Variants in MACROD2 observed in about 807,000 individuals in gnomAD.
The protein encoded by MACROD2 is ADP-ribose glycohydrolase MACROD2.
MACROD2 carries 36 observed loss-of-function variants against 70.4 expected under a neutral mutation model. That is an observed-to-expected ratio of 0.51 (90% CI 0.39 to 0.68). MACROD2 has a LOEUF of 0.68. Among genes scored for constraint, MACROD2 ranks in the 30% least tolerant of loss-of-function variants. MACROD2 has a pLI of 0.00. For missense variants in MACROD2, 496 were observed against 538.4 expected, an observed-to-expected ratio of 0.92 and a Z score of 0.78; for synonymous variants, 172 against 178.8, an observed-to-expected ratio of 0.96 and a Z score of 0.30.
At chr20:14,812,268 T>A (rs539935882) in intron 5 of MACROD2, among the ~76,000 whole-genome samples, 4 of 151,880 alleles carry the variant, frequency 2.6e-5, no homozygotes, top group Non-Finnish European at 1.5e-5. Context: ...TGAGTTCATG[T>A]GGGGACATGG....
At chr20:15,678,236 C>T (rs531055488) in intron 8 of MACROD2, among the ~76,000 whole-genome samples, 1 of 152,064 alleles carries the variant, frequency 6.6e-6, no homozygotes, top group East Asian at 1.9e-4. Context: ...TGCAGTGGCT[C>T]ACATTTGTAA....
chr20:14,067,841 C>T (rs2053785569), intron 2 of MACROD2, among the ~76,000 whole-genome samples: 5 of 152,138 alleles, frequency 3.3e-5, no homozygotes. Flanking sequence ...AGTGACTCAG[C>T]ACATGGGTTC....
rs75531626 is a variant in MACROD2, at chr20:15,062,781, G to A, written c.419-167159G>A. On this transcript the variant is annotated intron_variant, in intron 5 of 17. Transcript: ENST00000684519. ...GCTTTGATTCTAGTGATGTCTGTAC[G>A]TGGCAATCCGAATAGAACTTGGGAC... Among the ~76,000 whole-genome samples the A allele has an allele frequency of 9.1e-4, 138 of 152,262 alleles. 1 individual carries two copies. The highest frequency in any genetic ancestry group is 8.3e-3 in the East Asian group (43 of 5,182).
intron 3 of MACROD2, among the ~76,000 whole-genome samples, chr20:14,272,265 AG>A (rs1371834987): frequency 6.6e-6 from 1 of 152,212 alleles, no homozygotes; most frequent in Non-Finnish European, 1.5e-5. Flanking sequence ...TTACCCACAA[AG>A]GGAAGCCCAT....
At chr20:14,467,487 G>A (rs919937496) in intron 3 of MACROD2, among the ~76,000 whole-genome samples, 1 of 152,014 alleles carries the variant, frequency 6.6e-6, no homozygotes, top group Non-Finnish European at 1.5e-5. Context: ...TGCTTCCCGG[G>A]TGAGGCGATG....
intron 8 of MACROD2, among the ~76,000 whole-genome samples, chr20:15,549,460 A>C (rs891682534): frequency 1.3e-5 from 2 of 152,226 alleles, no homozygotes; most frequent in Non-Finnish European, 2.9e-5. Flanking sequence ...ATCCACATCA[A>C]TCTATATACT....
intron 3 of MACROD2, among the ~76,000 whole-genome samples, chr20:14,370,843 C>T (rs1487836541): frequency 6.6e-6 from 1 of 152,138 alleles, no homozygotes; most frequent in Admixed American, 6.5e-5. Context: ...ATTGCATTTT[C>T]AGTAGAGAAA....
intron 3 of MACROD2, among the ~76,000 whole-genome samples, chr20:14,409,011 A>G (rs2083720081): frequency 6.6e-6 from 1 of 152,120 alleles, no homozygotes; most frequent in Non-Finnish European, 1.5e-5. Flanking sequence ...GCCCATGTCA[A>G]GCACATCTAG....
intron 5 of MACROD2, among the ~76,000 whole-genome samples, chr20:14,900,792 T>C (rs1392386083): frequency 6.6e-6 from 1 of 151,980 alleles, no homozygotes; most frequent in Non-Finnish European, 1.5e-5. Context: ...TATTCTATTC[T>C]CTATTTCATT....
chr20:16,027,340 A>T (rs924526313), intron 15 of MACROD2, among the ~76,000 whole-genome samples: 3 of 152,208 alleles, frequency 2.0e-5, no homozygotes, highest in Admixed American at 2.0e-4. Context: ...GATGCACTAG[A>T]TTTTATTAAA....
chr20:15,420,214 G>A (rs370685523), intron 6 of MACROD2, among the ~76,000 whole-genome samples: 3 of 152,030 alleles, frequency 2.0e-5, no homozygotes, highest in African/African-American at 7.2e-5. Flanking sequence ...CTGTCTTCTC[G>A]GAAAATAAAA....
chr20:15,753,694 T>C (rs1421608133), intron 8 of MACROD2, among the ~76,000 whole-genome samples: 1 of 152,212 alleles, frequency 6.6e-6, no homozygotes, highest in Non-Finnish European at 1.5e-5. Context: ...ATCTCCAACC[T>C]GCTTTCCACA....
intron 4 of MACROD2, among the ~76,000 whole-genome samples, chr20:14,584,968 A>G (rs1163633462): frequency 6.6e-6 from 1 of 152,168 alleles, no homozygotes; most frequent in Admixed American, 6.5e-5. Flanking sequence ...ATGATTAGCA[A>G]ATCCTTTGGG....
intron 5 of MACROD2, among the ~76,000 whole-genome samples, chr20:14,704,227 G>A (rs2071240974): frequency 6.6e-6 from 1 of 152,070 alleles, no homozygotes; most frequent in Non-Finnish European, 1.5e-5. Context: ...ATGATCCACA[G>A]GCCCAAATCT....
intron 6 of MACROD2, among the ~76,000 whole-genome samples, chr20:15,275,526 C>A (rs1438864662): frequency 1.3e-5 from 2 of 152,166 alleles, no homozygotes; most frequent in African/African-American, 4.8e-5. Context: ...GACTGGGCAT[C>A]AAATTTACTG....
intron 8 of MACROD2, among the ~76,000 whole-genome samples, chr20:15,830,304 AG>A (rs2064041386): frequency 6.6e-6 from 1 of 152,228 alleles, no homozygotes; most frequent in African/African-American, 2.4e-5. Context: ...CTGCTTTCAT[AG>A]GATAAGTAAG....
chr20:15,968,846 T>C (rs914587663), intron 13 of MACROD2, among the ~76,000 whole-genome samples: 21 of 141,350 alleles, frequency 1.5e-4, no homozygotes, highest in South Asian at 2.3e-4. Context: ...TATACACACA[T>C]ATACATATGG....
At chr20:15,134,348 A>G (rs1555785824) in intron 5 of MACROD2, among the ~76,000 whole-genome samples, 1 of 151,686 alleles carries the variant, frequency 6.6e-6, no homozygotes, top group Non-Finnish European at 1.5e-5. Context: ...GTAAAAGAAC[A>G]GAAATTATAA....
chr20:14,393,058 C>A (rs1325482480), intron 3 of MACROD2, among the ~76,000 whole-genome samples: 12 of 152,036 alleles, frequency 7.9e-5, no homozygotes, highest in Non-Finnish European at 1.8e-4. Context: ...TGTGTTTATC[C>A]TCCCAACAGT....
Sources: allele counts gnomAD v4.1 joint callset (sites outside exome capture counted in the v4.1 genomes callset), GRCh38; gene constraint gnomAD v4.1.1; transcripts MANE v1.5; gene names NCBI Gene and HGNC (gene_info 2026-07-23, HGNC 2026-07-21).